The following FKBP15 variants were observed in gnomAD, a reference collection of about 807,000 sequenced individuals.
The protein encoded by FKBP15 is FK506-binding protein 15.
Under a neutral mutation model 158.1 loss-of-function variants are expected in FKBP15, and 106 were observed. The ratio of observed to expected loss-of-function variants is 0.67; its 90% CI spans 0.57 to 0.79. FKBP15 has a LOEUF of 0.79. Among genes scored for constraint, FKBP15 ranks in the 30% least tolerant of loss-of-function variants. The probability of loss-of-function intolerance (pLI) is 0.00; values close to 1 mark genes in which losing one functional copy is unlikely to be tolerated. For missense variants in FKBP15, 1,287 were observed against 1,479.1 expected (o/e 0.87, Z 2.13); for synonymous variants, 547 against 548.6 (o/e 1.00, Z 0.04).
At chr9:113,199,697 G>T in intron 7 of FKBP15, 117 bp downstream of exon 7, 3 of 1,094,886 alleles carry the variant, frequency 2.7e-6, no homozygotes, top group Non-Finnish European at 2.6e-6. Context: ...CTAAAGTGGG[G>T]ATCCTAAAAT....
In FKBP15 at chr9:113,170,619, ATCT is replaced by A; in HGVS notation, c.2666_2668del (p.Lys889del). 6.2e-7 allele frequency: 1 copy of A among 1,612,780 alleles called. No homozygotes were observed. Among genetic ancestry groups the A allele is most frequent in the Admixed American group, 1.7e-5 (1 of 59,986 alleles). ...TAAGGACTGGAACACCTGGTTCATGATCTTCTTGACCTGTGTGAACATCAAAAC... is the reference window on the plus strand; with the variant it reads ...TAAGGACTGGAACACCTGGTTCATGATCTTGACCTGTGTGAACATCAAAAC... On this transcript the variant is annotated inframe_deletion, in exon 25 of 28. Coordinates refer to ENST00000238256, the MANE Select transcript of FKBP15 (RefSeq NM_015258.2).
At chr9:113,206,422 C>G in intron 4 of FKBP15, 87 bp downstream of exon 4, 2 of 989,762 alleles carry the variant, frequency 2.0e-6, no homozygotes, top group East Asian at 2.4e-5. Flanking sequence ...TTCTGATAAA[C>G]AAGACATCGG....
Position 113,197,014 on chromosome 9 carries a change from G to T in FKBP15, c.782C>A (p.Ala261Asp). 6.2e-7 allele frequency: 1 copy of T among 1,613,958 alleles called. No homozygotes were observed. The highest frequency in any genetic ancestry group is 8.5e-7 in the Non-Finnish European group (1 of 1,179,876). The part of the protein sequence containing the change: ...GGKRLLIVPP[A>D]CAVGSEGVIG... ...TACCCCTTCTGAGCCAACAGCACAG[G>T]CTGGAGGGACAATAAGCAATCGCTT... The change falls in exon 9 of 28, where the codon GCC (alanine) becomes GAC (aspartate). Residue 261 changes from alanine to aspartate, a missense_variant. Physicochemically the swap from Ala to Asp is moderately radical, Grantham distance 126. Coordinates refer to ENST00000238256, the MANE Select transcript of FKBP15 (RefSeq NM_015258.2).
At chr9:113,208,780 G>A (rs1460074002) in intron 2 of FKBP15, among the ~76,000 whole-genome samples, 1 of 152,076 alleles carries the variant, frequency 6.6e-6, no homozygotes, top group African/African-American at 2.4e-5. Context: ...ACAGAGGTGG[G>A]CAGATCACTT....
At chr9:113,179,884 G>C (rs2118879999) in intron 19 of FKBP15, among the ~76,000 whole-genome samples, 1 of 152,206 alleles carries the variant, frequency 6.6e-6, no homozygotes, top group Admixed American at 6.5e-5. Context: ...CTATTCAGTA[G>C]CCTTAGGTTT....
rs368582896 is a variant in FKBP15, at chr9:113,202,960, C to A, written c.399+1G>T. On this transcript the variant is annotated splice_donor_variant, in intron 5 of 27. Coordinates refer to ENST00000238256, the MANE Select transcript of FKBP15 (RefSeq NM_015258.2). LOFTEE classifies it high-confidence loss of function. ...ATGATTCCAATATGATGAAGTCTTA[C>A]CATTAGCTCAAAGTTCACATGAATC... 6.8e-6 allele frequency: 11 copies of A among 1,609,478 alleles called. No individual in the cohort carries two copies. Among genetic ancestry groups the A allele is most frequent in the Non-Finnish European group, 5.1e-6 (6 of 1,176,758 alleles).
intron 1 of FKBP15, among the ~76,000 whole-genome samples, chr9:113,214,287 G>A (rs1349151993): frequency 6.6e-6 from 1 of 152,226 alleles, no homozygotes; most frequent in Non-Finnish European, 1.5e-5. Flanking sequence ...GAGCCACTGT[G>A]CTTAGCCATG....
intron 20 of FKBP15, among the ~76,000 whole-genome samples, chr9:113,178,372 G>C (rs1356885760): frequency 6.6e-6 from 1 of 152,206 alleles, no homozygotes; most frequent in Non-Finnish European, 1.5e-5. Context: ...CCAATCATAA[G>C]TACCAAAGAT....
intron 1 of FKBP15, among the ~76,000 whole-genome samples, chr9:113,219,031 TAA>T (rs1486967298): frequency 6.6e-6 from 1 of 152,210 alleles, no homozygotes; most frequent in African/African-American, 2.4e-5. Context: ...ACTACTAAAA[TAA>T]AAGTTTCTTA....
chr9:113,183,655 A>T, intron 18 of FKBP15, 96 bp downstream of exon 18: 1 of 769,080 alleles, frequency 1.3e-6, no homozygotes, highest in Non-Finnish European at 2.2e-6. Context: ...GCAGAAATAC[A>T]TACGTACTGC....
chr9:113,169,194 G>C (rs1331277891), intron 26 of FKBP15, 30 bp downstream of exon 26: 1 of 1,588,416 alleles, frequency 6.3e-7, no homozygotes, highest in East Asian at 2.2e-5. Context: ...TAACTACCCT[G>C]TCCCTGAAGC....
chr9:113,215,644 ATTTT>A (rs1285341545), intron 1 of FKBP15, among the ~76,000 whole-genome samples: 397 of 61,522 alleles, frequency 6.5e-3, no homozygotes, highest in African/African-American at 0.021. Context: ...ATATATATAT[ATTTT>A]TTTTTTTTTT....
Position 113,184,378 on chromosome 9 carries a change from T to G in FKBP15, c.1630A>C (p.Ser544Arg), listed in dbSNP as rs1477146143. The G allele has an allele frequency of 1.9e-6, 3 of 1,604,690 alleles. No individual in the cohort carries two copies. The Admixed American group carries it at 5.1e-5, about 27-fold the overall frequency. ...MTKVEELQKH[S>R]AGNSMLIPSM... ...GGAATAAGCATGGAATTGCCAGCAC[T>G]ATGTTTCTGTAACTCTTCAACCTAC... Residue 544 changes from serine to arginine, a missense_variant, in exon 17 of 28, where the codon AGT becomes CGT. Physicochemically the swap from Ser to Arg is moderately radical, Grantham distance 110. Coordinates refer to ENST00000238256, the MANE Select transcript of FKBP15 (RefSeq NM_015258.2). The surrounding 1 kb of genome is among the most constrained non-coding windows in gnomAD (Gnocchi z 4.5).
intron 15 of FKBP15, among the ~76,000 whole-genome samples, chr9:113,185,651 T>C (rs1830473896): frequency 6.6e-6 from 1 of 152,212 alleles, no homozygotes; most frequent in African/African-American, 2.4e-5. Context: ...CTCACATTTG[T>C]ACATGCATAC....
chr9:113,187,961 T>TCACACCA, intron 13 of FKBP15, 62 bp from the exon 14 acceptor site: 2 of 1,197,804 alleles, frequency 1.7e-6, no homozygotes, highest in Non-Finnish European at 2.5e-6. Context: ...GAGTCTAGAC[T>TCACACCA]AGCACCTTAC....
intron 12 of FKBP15, 54 bp from the exon 13 acceptor site, chr9:113,188,545 C>T: frequency 7.2e-7 from 1 of 1,388,054 alleles, no homozygotes; most frequent in African/African-American, 1.4e-5. Flanking sequence ...TCATTGAAGA[C>T]TGAGGCTGAC....
In FKBP15 at chr9:113,175,018, C is replaced by G. The variant is rs1183181272; in HGVS notation, c.2224-435G>C. Among the ~76,000 whole-genome samples, 6 of 5,332 alleles carry G rather than the reference C, an allele frequency of 1.1e-3. 2 individuals are homozygous for G. Among genetic ancestry groups the G allele is most frequent in the Non-Finnish European group, 2.0e-3 (5 of 2,472 alleles). The allele number at this position is 5,332 out of a possible 152,430, so 3.5% of individuals were successfully genotyped here. ...GCGGAGCTTGCAGTGAGCCGAGATC[C>G]CGCCACTGCACTCCATCCTGGGCGA... is the stretch of plus-strand genomic sequence containing the variant. On this transcript the variant is annotated intron_variant, in intron 21 of 27. Transcript: ENST00000238256.
chr9:113,172,262 G>C (rs992507305), intron 23 of FKBP15, among the ~76,000 whole-genome samples: 2 of 152,090 alleles, frequency 1.3e-5, no homozygotes, highest in Non-Finnish European at 2.9e-5. Flanking sequence ...TGGACATTTG[G>C]GTTGGTTCCA....
intron 10 of FKBP15, 94 bp from the exon 11 acceptor site, chr9:113,193,643 T>A (rs1363296684): frequency 1.6e-5 from 17 of 1,031,122 alleles, no homozygotes; most frequent in Middle Eastern, 4.0e-4. Context: ...TTTTTAAATG[T>A]GTGCCAATTT....
Sources: allele counts gnomAD v4.1 joint callset (sites outside exome capture counted in the v4.1 genomes callset), GRCh38; gene constraint gnomAD v4.1.1; non-coding constraint Gnocchi (gnomAD v3.1); transcripts MANE v1.5; gene names NCBI Gene and HGNC (gene_info 2026-07-23, HGNC 2026-07-21).